The following ZNF215 variants were observed in gnomAD, a reference collection of about 807,000 sequenced individuals.
ZNF215 encodes the protein zinc finger protein 215.
A neutral mutation model predicts 27.2 loss-of-function variants in ZNF215; 24 were observed. That is an observed-to-expected ratio of 0.88 (90% CI 0.64 to 1.24). The LOEUF (loss-of-function observed/expected upper bound fraction) is 1.24. Among genes scored for constraint, ZNF215 ranks in the 50% most tolerant of loss-of-function variants. The probability of loss-of-function intolerance (pLI) is 0.00; values close to 1 mark genes in which losing one functional copy is unlikely to be tolerated. For synonymous variants in ZNF215, 210 were observed against 204.0 expected (o/e 1.03, Z -0.25); for missense variants, 675 against 605.7 (o/e 1.11, Z -1.20).
downstream of ZNF215, among the ~76,000 whole-genome samples, chr11:6,961,270 G>A (rs1487068821): frequency 1.3e-5 from 2 of 151,986 alleles, no homozygotes; most frequent in Non-Finnish European, 2.9e-5. Flanking sequence ...TTTCTGTCAG[G>A]GTTATATTCA....
intron 5 of ZNF215, among the ~76,000 whole-genome samples, chr11:6,972,460 A>G (rs954537700): frequency 6.6e-6 from 1 of 151,764 alleles, no homozygotes; most frequent in African/African-American, 2.4e-5. Context: ...ATAAATTCAC[A>G]GATTGTTTTT....
chr11:6,936,468 G>T (rs1602567), intron 3 of ZNF215, among the ~76,000 whole-genome samples: 6 of 152,036 alleles, frequency 3.9e-5, no homozygotes, highest in Non-Finnish European at 8.8e-5. Context: ...ACTCAACTCA[G>T]CAATAACAAA....
downstream of ZNF215, chr11:6,988,360 A>T: frequency 1.5e-6 from 1 of 658,858 alleles, no homozygotes; most frequent in Non-Finnish European, 1.9e-6. Context: ...GAGTAGGATG[A>T]ACATCAGAAA....
chr11:6,960,969 C>T (rs1169608180), downstream of ZNF215, among the ~76,000 whole-genome samples: 1 of 152,094 alleles, frequency 6.6e-6, no homozygotes, highest in Non-Finnish European at 1.5e-5. Flanking sequence ...TCAAATTTGA[C>T]TCTAGGCTTT....
chr11:6,983,178 G>A (rs1471528192), intron 5 of ZNF215, among the ~76,000 whole-genome samples: 2 of 152,102 alleles, frequency 1.3e-5, no homozygotes, highest in Non-Finnish European at 2.9e-5. Context: ...TAAACTCCTC[G>A]ACACATACAC....
rs1410589904 is a variant in ZNF215, at chr11:6,927,687, C to G, written c.-300C>G. On this transcript the variant is annotated 5_prime_UTR_variant, in exon 2 of 7. Coordinates refer to ENST00000278319, the MANE Select transcript of ZNF215 (RefSeq NM_013250.4). Reference sequence around the variant, plus strand: ...TGTTCATCATTTGCCACTTAAGCTACTTGCAGTCACGTCACACCTTGGATC... The same window carrying G: ...TGTTCATCATTTGCCACTTAAGCTAGTTGCAGTCACGTCACACCTTGGATC... 1 of 152,234 alleles carries G rather than the reference C, an allele frequency of 6.6e-6. No individual in the cohort carries two copies. The highest frequency in any genetic ancestry group is 1.5e-5 in the Non-Finnish European group (1 of 68,050). 9.4% of individuals were successfully genotyped at this position (152,234 alleles called of 1,614,324 possible).
chr11:6,936,359 G>A (rs1020628665), intron 3 of ZNF215, among the ~76,000 whole-genome samples: 2 of 152,022 alleles, frequency 1.3e-5, no homozygotes, highest in East Asian at 1.9e-4. Flanking sequence ...AATACTAGGA[G>A]CAATTAAATG....
downstream of ZNF215, among the ~76,000 whole-genome samples, chr11:6,958,684 C>T (rs2638095): frequency 0.23 from 35,576 of 152,012 alleles, 4,481 homozygotes; most frequent in African/African-American, 0.32. Context: ...CAATAGGCTG[C>T]CTGCAAGCTG....
chr11:6,970,297 A>G (rs1850696052), intron 5 of ZNF215, among the ~76,000 whole-genome samples: 1 of 152,230 alleles, frequency 6.6e-6, no homozygotes, highest in Non-Finnish European at 1.5e-5. Flanking sequence ...AACAAAATGC[A>G]TGAGAACAAG....
At chr11:6,986,497 C>A (rs1467720563), downstream of ZNF215, among the ~76,000 whole-genome samples, 4 of 137,876 alleles carry the variant, frequency 2.9e-5, no homozygotes, top group African/African-American at 9.9e-5. Flanking sequence ...AGTCCTCTTG[C>A]AACAAACCAA....
chr11:6,945,472 A>G (rs565361258), intron 6 of ZNF215, among the ~76,000 whole-genome samples: 3 of 152,186 alleles, frequency 2.0e-5, no homozygotes, highest in African/African-American at 7.2e-5. Context: ...CTCACCTCCT[A>G]TTCCGTACCC....
intron 6 of ZNF215, among the ~76,000 whole-genome samples, chr11:6,948,493 A>C (rs1849909585): frequency 6.6e-6 from 1 of 152,178 alleles, no homozygotes; most frequent in Non-Finnish European, 1.5e-5. Flanking sequence ...TCCAGTATAA[A>C]TATTAGAAAA....
chr11:6,943,489 G>A (rs1042127679), intron 5 of ZNF215, 57 bp from the exon 6 acceptor site: 2 of 1,466,034 alleles, frequency 1.4e-6, no homozygotes, highest in Non-Finnish European at 1.9e-6. Context: ...CTATAAAAAT[G>A]TCTGAAGTGT....
intron 5 of ZNF215, among the ~76,000 whole-genome samples, chr11:6,981,805 C>A (rs923335052): frequency 1.3e-5 from 2 of 151,956 alleles, no homozygotes; most frequent in African/African-American, 4.8e-5. Flanking sequence ...AGGAAGGGAT[C>A]CAGTTTCAGC....
chr11:6,971,273 C>T (rs1850713084), intron 5 of ZNF215, among the ~76,000 whole-genome samples: 1 of 152,150 alleles, frequency 6.6e-6, no homozygotes, highest in African/African-American at 2.4e-5. Context: ...TAAGTATAAT[C>T]TAAATCCTTT....
intron 6 of ZNF215, among the ~76,000 whole-genome samples, chr11:6,948,847 C>T (rs1020873366): frequency 9.2e-5 from 14 of 151,432 alleles, no homozygotes; most frequent in African/African-American, 3.4e-4. Context: ...GTGCTGCACC[C>T]ATTAACTCGT....
chr11:6,946,458 T>A (rs1033629031), intron 6 of ZNF215, among the ~76,000 whole-genome samples: 3 of 152,158 alleles, frequency 2.0e-5, no homozygotes, highest in African/African-American at 7.2e-5. Flanking sequence ...ATATACTGTG[T>A]CCTAAGCACT....
At chr11:6,960,633 C>G (rs1184830502), downstream of ZNF215, among the ~76,000 whole-genome samples, 1 of 152,096 alleles carries the variant, frequency 6.6e-6, no homozygotes, top group Non-Finnish European at 1.5e-5. Flanking sequence ...CCAGCTATTT[C>G]ATTTTTAGAG....
intron 3 of ZNF215, among the ~76,000 whole-genome samples, chr11:6,933,787 T>G (rs1245651858): frequency 1.3e-5 from 1 of 78,336 alleles, no homozygotes; most frequent in Non-Finnish European, 2.2e-5. Context: ...AGTGCTAGAC[T>G]CCATCTCAAA....
Sources: allele counts gnomAD v4.1 joint callset (sites outside exome capture counted in the v4.1 genomes callset), GRCh38; gene constraint gnomAD v4.1.1; transcripts MANE v1.5; gene names NCBI Gene and HGNC (gene_info 2026-07-23, HGNC 2026-07-21).